SPAG16: variants seen among roughly 807,000 people sequenced by gnomAD.
SPAG16 encodes the protein sperm-associated antigen 16 protein.
In SPAG16, 86 loss-of-function variants were observed where a neutral mutation model predicts 80.4. That is an observed-to-expected ratio of 1.07 (90% CI 0.90 to 1.28). The LOEUF (loss-of-function observed/expected upper bound fraction) is 1.28. SPAG16 is among the 50% of genes most tolerant of loss of function. The probability of loss-of-function intolerance (pLI) is 0.00; values close to 1 mark genes in which losing one functional copy is unlikely to be tolerated. For missense variants in SPAG16, 870 were observed against 765.3 expected (o/e 1.14, Z -1.61); for synonymous variants, 294 against 265.9 (o/e 1.11, Z -1.03).
intron 9 of SPAG16, among the ~76,000 whole-genome samples, chr2:213,428,120 C>T (rs2070057865): frequency 6.6e-6 from 1 of 152,134 alleles, no homozygotes; most frequent in African/African-American, 2.4e-5. Flanking sequence ...TCCAAGAAGG[C>T]ACACAGGAAT....
intron 11 of SPAG16, among the ~76,000 whole-genome samples, chr2:213,890,343 T>A (rs1005167348): frequency 6.6e-6 from 1 of 152,086 alleles, no homozygotes; most frequent in African/African-American, 2.4e-5. Context: ...AGTAATCTTA[T>A]TGTATTTTTC....
chr2:213,996,726 G>A (rs985068429), intron 12 of SPAG16, among the ~76,000 whole-genome samples: 1 of 151,904 alleles, frequency 6.6e-6, no homozygotes, highest in African/African-American at 2.4e-5. Context: ...GTGCCACTGG[G>A]CCAGGCTAAT....
intron 15 of SPAG16, among the ~76,000 whole-genome samples, chr2:214,251,551 A>G (rs1394826747): frequency 6.6e-6 from 1 of 152,162 alleles, no homozygotes; most frequent in South Asian, 2.1e-4. Flanking sequence ...CTAATGCTCA[A>G]TATATGTAAA....
At chr2:213,570,146 C>T (rs1576010903) in intron 10 of SPAG16, among the ~76,000 whole-genome samples, 1 of 50,830 alleles carries the variant, frequency 2.0e-5, no homozygotes, top group African/African-American at 1.1e-4. Context: ...ATTAGTCTTG[C>T]TAGCGGTCTA....
chr2:214,021,225 C>G (rs1233950932), intron 13 of SPAG16, among the ~76,000 whole-genome samples: 1 of 152,044 alleles, frequency 6.6e-6, no homozygotes, highest in Non-Finnish European at 1.5e-5. Flanking sequence ...TTTGGTCACT[C>G]TGACTTTTTA....
At chr2:214,335,979 G>A (rs192272192) in intron 15 of SPAG16, among the ~76,000 whole-genome samples, 21 of 151,946 alleles carry the variant, frequency 1.4e-4, no homozygotes. Flanking sequence ...GGATGGTCTC[G>A]ATCTCTTGAC....
chr2:214,220,071 A>T (rs1402006213), intron 15 of SPAG16, among the ~76,000 whole-genome samples: 2 of 152,148 alleles, frequency 1.3e-5, no homozygotes, highest in East Asian at 3.8e-4. Context: ...ACATATCAAC[A>T]TATTAACTTT....
chr2:214,181,720 T>C (rs2125672281), intron 15 of SPAG16, among the ~76,000 whole-genome samples: 1 of 151,974 alleles, frequency 6.6e-6, no homozygotes, highest in African/African-American at 2.4e-5. Context: ...GTCACTTCCA[T>C]AAGATGTAAA....
chr2:214,118,321 A>G (rs1373453541), intron 14 of SPAG16, among the ~76,000 whole-genome samples: 1 of 152,196 alleles, frequency 6.6e-6, no homozygotes, highest in Admixed American at 6.6e-5. Flanking sequence ...TAATGATGAC[A>G]GGAAATAGAA....
intron 15 of SPAG16, among the ~76,000 whole-genome samples, chr2:214,233,465 A>G (rs1688851238): frequency 6.6e-6 from 1 of 152,020 alleles, no homozygotes; most frequent in Admixed American, 6.6e-5. Context: ...TATTTGATCT[A>G]TTGCTGTCTA....
intron 15 of SPAG16, among the ~76,000 whole-genome samples, chr2:214,181,784 T>A (rs1003757761): frequency 4.0e-5 from 6 of 151,786 alleles, no homozygotes; most frequent in Non-Finnish European, 8.8e-5. Flanking sequence ...GTGTTTAATT[T>A]TTACATTAAA....
intron 9 of SPAG16, among the ~76,000 whole-genome samples, chr2:213,417,805 C>A (rs905475495): frequency 2.6e-5 from 4 of 151,586 alleles, no homozygotes; most frequent in Non-Finnish European, 1.5e-5. Context: ...TCATGTCAAT[C>A]AAAAATATTT....
intron 13 of SPAG16, among the ~76,000 whole-genome samples, chr2:214,028,737 TG>T (rs1318275980): frequency 8.5e-5 from 13 of 152,120 alleles, no homozygotes; most frequent in African/African-American, 2.6e-4. Flanking sequence ...ATAGTATCTG[TG>T]AAAAAAATCA....
At chr2:213,450,582 CTAAT>C (rs903674048) in intron 9 of SPAG16, among the ~76,000 whole-genome samples, 1 of 152,082 alleles carries the variant, frequency 6.6e-6, no homozygotes, top group Non-Finnish European at 1.5e-5. Context: ...TTACTTTACA[CTAAT>C]TGAATGTGCA....
chr2:214,052,621 T>G (rs2049710911), intron 13 of SPAG16, among the ~76,000 whole-genome samples: 1 of 152,144 alleles, frequency 6.6e-6, no homozygotes, highest in African/African-American at 2.4e-5. Flanking sequence ...ATTATAAGAA[T>G]AATAATATAA....
At chr2:213,764,266 T>C (rs1209511289) in intron 10 of SPAG16, among the ~76,000 whole-genome samples, 1 of 152,118 alleles carries the variant, frequency 6.6e-6, no homozygotes, top group African/African-American at 2.4e-5. Context: ...GTTTTTGAGG[T>C]AGAACCCAAA....
At chr2:213,575,020 C>G (rs539808142) in intron 10 of SPAG16, among the ~76,000 whole-genome samples, 4 of 152,162 alleles carry the variant, frequency 2.6e-5, no homozygotes, top group Admixed American at 6.6e-5. Flanking sequence ...GTCCTGAAAT[C>G]TTTCTGCATT....
At chr2:214,170,832 A>G (rs1326452782) in intron 15 of SPAG16, among the ~76,000 whole-genome samples, 1 of 152,006 alleles carries the variant, frequency 6.6e-6, no homozygotes, top group African/African-American at 2.4e-5. Flanking sequence ...TGCCAACTCT[A>G]ACAGCCCATT....
At chr2:213,479,094 CTTTTTT>C (rs148476714) in intron 9 of SPAG16, among the ~76,000 whole-genome samples, 7 of 94,328 alleles carry the variant, frequency 7.4e-5, no homozygotes, top group Non-Finnish European at 1.1e-4. Context: ...CACTGGCTTC[CTTTTTT>C]TTTTTTTTTT....
Sources: gnomAD v4.1 joint callset for allele counts (sites outside exome capture counted in the v4.1 genomes callset) on GRCh38, gnomAD v4.1.1 for gene constraint, MANE v1.5 for transcripts, NCBI Gene and HGNC (gene_info 2026-07-23, HGNC 2026-07-21) for gene names.